KHDRBS3: variants seen among roughly 807,000 people sequenced by gnomAD.
The protein encoded by KHDRBS3 is KH domain-containing, RNA-binding, signal transduction-associated protein 3.
In KHDRBS3, 23 loss-of-function variants were observed where a neutral mutation model predicts 45.6. The ratio of observed to expected loss-of-function variants is 0.50; its 90% CI spans 0.36 to 0.72. The LOEUF (loss-of-function observed/expected upper bound fraction) is 0.72. Ranked by LOEUF, KHDRBS3 falls within the 30% of genes least tolerant of loss-of-function variation. The probability of loss-of-function intolerance (pLI) is 0.00; values close to 1 mark genes in which losing one functional copy is unlikely to be tolerated. For synonymous variants in KHDRBS3, 162 were observed against 156.5 expected (o/e 1.04, Z -0.26); for missense variants, 352 against 424.8 (o/e 0.83, Z 1.51).
intron 1 of KHDRBS3, among the ~76,000 whole-genome samples, chr8:135,513,124 C>T (rs1029694323): frequency 2.6e-5 from 4 of 151,860 alleles, no homozygotes; most frequent in South Asian, 2.1e-4. Context: ...GGCATGAACC[C>T]GGGAGGCGGA....
chr8:135,467,471 G>A (rs1045972867), intron 1 of KHDRBS3, among the ~76,000 whole-genome samples: 12 of 152,232 alleles, frequency 7.9e-5, no homozygotes, highest in African/African-American at 2.4e-4. Flanking sequence ...CACACATTTC[G>A]TGTAGTGTCA....
intron 2 of KHDRBS3, among the ~76,000 whole-genome samples, chr8:135,529,431 A>C (rs575493255): frequency 6.6e-6 from 1 of 152,254 alleles, no homozygotes; most frequent in East Asian, 1.9e-4. Flanking sequence ...CTCTCCTTAC[A>C]GTGCTTGATT....
chr8:135,475,792 C>T (rs1208333517), intron 1 of KHDRBS3, among the ~76,000 whole-genome samples: 2 of 152,148 alleles, frequency 1.3e-5, no homozygotes, highest in African/African-American at 2.4e-5. Context: ...ATATATCCCT[C>T]TTAGATGCAT....
At chr8:135,511,954 A>G (rs1293654387) in intron 1 of KHDRBS3, among the ~76,000 whole-genome samples, 11 of 152,188 alleles carry the variant, frequency 7.2e-5, no homozygotes, top group Admixed American at 7.2e-4. Context: ...ATGCGTATTT[A>G]TGATGAGCTT....
At chr8:135,610,935 G>T (rs1187090264) in intron 7 of KHDRBS3, among the ~76,000 whole-genome samples, 2 of 151,942 alleles carry the variant, frequency 1.3e-5, no homozygotes, top group Admixed American at 6.6e-5. Flanking sequence ...GTAAAGGTAT[G>T]ATGTGTTTAT....
chr8:135,466,603 T>C (rs1285412659), intron 1 of KHDRBS3, among the ~76,000 whole-genome samples: 1 of 152,208 alleles, frequency 6.6e-6, no homozygotes, highest in Non-Finnish European at 1.5e-5. Flanking sequence ...CTGATTTGTA[T>C]AAGAAAGCAC....
chr8:135,464,180 T>C (rs1400363163), intron 1 of KHDRBS3, among the ~76,000 whole-genome samples: 3 of 152,234 alleles, frequency 2.0e-5, no homozygotes, highest in Non-Finnish European at 2.9e-5. Flanking sequence ...TGTTTTTAAA[T>C]AAATGTTTCA....
chr8:135,550,876 T>C (rs1826555722), intron 4 of KHDRBS3, among the ~76,000 whole-genome samples: 1 of 152,188 alleles, frequency 6.6e-6, no homozygotes, highest in African/African-American at 2.4e-5. Flanking sequence ...TTCTTCACTT[T>C]TAAAAAAGAT....
intron 1 of KHDRBS3, among the ~76,000 whole-genome samples, chr8:135,461,134 A>G (rs865918414): frequency 1.3e-5 from 2 of 152,108 alleles, no homozygotes; most frequent in South Asian, 4.1e-4. Flanking sequence ...GAAGTTGCCC[A>G]GGCTCTGTTG....
chr8:135,577,668 C>G (rs1828008855), intron 5 of KHDRBS3, among the ~76,000 whole-genome samples: 1 of 152,112 alleles, frequency 6.6e-6, no homozygotes, highest in Admixed American at 6.5e-5. Context: ...TATCGAAGGG[C>G]ATCTTGGTTG....
intron 1 of KHDRBS3, among the ~76,000 whole-genome samples, chr8:135,491,511 T>G (rs984371003): frequency 3.9e-5 from 6 of 152,350 alleles, no homozygotes; most frequent in African/African-American, 1.2e-4. Flanking sequence ...ACAATTCTAC[T>G]GTGTGTATGT....
chr8:135,646,326 G>A (rs2131206127), intron 8 of KHDRBS3, among the ~76,000 whole-genome samples: 1 of 152,184 alleles, frequency 6.6e-6, no homozygotes, highest in Non-Finnish European at 1.5e-5. Flanking sequence ...ATGATAGAAT[G>A]TCCCTGGTTA....
At chr8:135,468,017 C>A (rs1821786706) in intron 1 of KHDRBS3, among the ~76,000 whole-genome samples, 1 of 152,120 alleles carries the variant, frequency 6.6e-6, no homozygotes, top group Non-Finnish European at 1.5e-5. Flanking sequence ...CTCCTTCTTT[C>A]TCCCTCTTTC....
chr8:135,648,282 A>C (rs2131214244), downstream of KHDRBS3, among the ~76,000 whole-genome samples: 1 of 152,316 alleles, frequency 6.6e-6, no homozygotes, highest in South Asian at 2.1e-4. Context: ...TTAGTAATCT[A>C]AAAAGCCTTA....
chr8:135,529,032 T>G (rs1310640388), intron 2 of KHDRBS3, among the ~76,000 whole-genome samples: 1 of 152,184 alleles, frequency 6.6e-6, no homozygotes, highest in Non-Finnish European at 1.5e-5. Context: ...AAATAATCAC[T>G]TAAGGATACA....
At chr8:135,565,642 G>C (rs1399499902) in intron 5 of KHDRBS3, among the ~76,000 whole-genome samples, 1 of 152,154 alleles carries the variant, frequency 6.6e-6, no homozygotes, top group Admixed American at 6.6e-5. Context: ...GAGAGTTGGT[G>C]AGAGTTCATA....
rs376369044 is a variant in KHDRBS3, at chr8:135,542,650, C to G, written c.208-4C>G. The G allele has an allele frequency of 3.8e-6, 6 of 1,598,332 alleles. No individual in the cohort carries two copies. Among genetic ancestry groups the G allele is most frequent in the Non-Finnish European group, 5.1e-6 (6 of 1,167,630 alleles). On this transcript the variant is annotated splice_region_variant and splice_polypyrimidine_tract_variant and intron_variant, in intron 2 of 8. Transcript: ENST00000355849. ...CTACAAATTTGGTTGTTTATTTTTC[C>G]TAGTTCAACTTTGTGGGGAAACTTT...
chr8:135,500,313 G>C (rs1475635167), intron 1 of KHDRBS3, among the ~76,000 whole-genome samples: 1 of 151,952 alleles, frequency 6.6e-6, no homozygotes, highest in Non-Finnish European at 1.5e-5. Context: ...AGCACGTACT[G>C]TGCTTCATAT....
At chr8:135,529,171 C>T (rs1825341714) in intron 2 of KHDRBS3, among the ~76,000 whole-genome samples, 2 of 152,148 alleles carry the variant, frequency 1.3e-5, no homozygotes, top group East Asian at 1.9e-4. Context: ...TTATGATGGA[C>T]GGTTCTCTTC....
Sources: allele counts gnomAD v4.1 joint callset (sites outside exome capture counted in the v4.1 genomes callset), GRCh38; gene constraint gnomAD v4.1.1; transcripts MANE v1.5; gene names NCBI Gene and HGNC (gene_info 2026-07-23, HGNC 2026-07-21).